The following ZNF804B variants were observed in gnomAD, a reference collection of about 807,000 sequenced individuals.
The protein encoded by ZNF804B is zinc finger 804B.
Under a neutral mutation model 101.4 loss-of-function variants are expected in ZNF804B, and 80 were observed. That is an observed-to-expected ratio of 0.79 (90% confidence interval 0.66 to 0.95). The LOEUF (loss-of-function observed/expected upper bound fraction) is 0.95. ZNF804B is among the 40% of genes least tolerant of loss of function. ZNF804B has a pLI of 0.00. For missense variants in ZNF804B, 1,673 were observed against 1,561.9 expected (o/e 1.07, Z -1.20); for synonymous variants, 622 against 558.8 (o/e 1.11, Z -1.59).
chr7:89,212,699 C>A (rs1430695131), intron 1 of ZNF804B, among the ~76,000 whole-genome samples: 1 of 152,120 alleles, frequency 6.6e-6, no homozygotes, highest in Non-Finnish European at 1.5e-5. Context: ...CTAGCCCTCT[C>A]TTAGGTTGTC....
At chr7:89,100,765 C>A (rs1790042689) in intron 1 of ZNF804B, among the ~76,000 whole-genome samples, 1 of 152,002 alleles carries the variant, frequency 6.6e-6, no homozygotes, top group Non-Finnish European at 1.5e-5. Context: ...CTATTTTAAT[C>A]ATTTTTCTTC....
At chr7:88,993,509 C>A (rs1195003153) in intron 1 of ZNF804B, among the ~76,000 whole-genome samples, 6 of 151,870 alleles carry the variant, frequency 4.0e-5, no homozygotes, top group Non-Finnish European at 7.4e-5. Flanking sequence ...ATTTAATGAA[C>A]AGAAAAAAGG....
intron 1 of ZNF804B, among the ~76,000 whole-genome samples, chr7:89,002,432 A>T (rs1401623932): frequency 1.3e-5 from 2 of 151,862 alleles, no homozygotes; most frequent in Non-Finnish European, 2.9e-5. Flanking sequence ...ATTATTGAAT[A>T]TTGACTATGT....
At chr7:88,852,615 A>G (rs1172120046) in intron 1 of ZNF804B, among the ~76,000 whole-genome samples, 1 of 152,110 alleles carries the variant, frequency 6.6e-6, no homozygotes, top group Non-Finnish European at 1.5e-5. Flanking sequence ...CCAAGAAAAC[A>G]TCTGATAACA....
In ZNF804B at chr7:88,759,916, C is replaced by A. The variant is rs1789865133; in HGVS notation, c.-61C>A. On this transcript the variant is annotated 5_prime_UTR_variant, in exon 1 of 4. Coordinates refer to ENST00000333190, the MANE Select transcript of ZNF804B (RefSeq NM_181646.5). ...CGCTGTTGCCGCTGAGAAACCCGCCCGCTTTCCACGGCTGGTCGCCTGGTG... is the reference window on the plus strand; with the variant it reads ...CGCTGTTGCCGCTGAGAAACCCGCCAGCTTTCCACGGCTGGTCGCCTGGTG... 6.8e-6 allele frequency: 10 copies of A among 1,477,874 alleles called. No homozygotes were observed. The East Asian group carries it at 2.1e-4, about 30-fold the overall frequency. 91.5% of individuals were successfully genotyped at this position (1,477,874 alleles called of 1,614,324 possible). A position where few individuals can be genotyped will look rare whatever the true frequency, so the allele number is the denominator to read the frequency against.
At chr7:89,260,038 G>T (rs149805553) in intron 2 of ZNF804B, among the ~76,000 whole-genome samples, 1 of 152,186 alleles carries the variant, frequency 6.6e-6, no homozygotes, top group African/African-American at 2.4e-5. Flanking sequence ...GAGAAAGAAA[G>T]AAAGGAAGGA....
chr7:89,051,983 T>C (rs1441947406), intron 1 of ZNF804B, among the ~76,000 whole-genome samples: 3 of 152,192 alleles, frequency 2.0e-5, no homozygotes, highest in East Asian at 1.9e-4. Flanking sequence ...GTGATTTTGT[T>C]TGTCTTTGAA....
intron 2 of ZNF804B, among the ~76,000 whole-genome samples, chr7:89,231,764 T>C (rs1789195419): frequency 1.3e-5 from 2 of 152,106 alleles, no homozygotes; most frequent in Admixed American, 1.3e-4. Flanking sequence ...ATTTTTTATA[T>C]TAATATTACT....
intron 1 of ZNF804B, among the ~76,000 whole-genome samples, chr7:88,975,261 A>G (rs1204446616): frequency 2.6e-5 from 4 of 151,378 alleles, no homozygotes; most frequent in Admixed American, 6.6e-5. Context: ...TGTCTCTTCA[A>G]TATACTGATT....
At chr7:89,331,676 T>A (rs1414899143) in intron 3 of ZNF804B, among the ~76,000 whole-genome samples, 1 of 151,630 alleles carries the variant, frequency 6.6e-6, no homozygotes, top group East Asian at 1.9e-4. Context: ...AAAATCCATA[T>A]GGTCATAATT....
chr7:89,236,358 G>T (rs1297487214), intron 2 of ZNF804B, among the ~76,000 whole-genome samples: 1 of 152,070 alleles, frequency 6.6e-6, no homozygotes, highest in Non-Finnish European at 1.5e-5. Flanking sequence ...AAGTATACAT[G>T]TAAATCTAAC....
At chr7:89,105,616 A>G (rs1790122003) in intron 1 of ZNF804B, among the ~76,000 whole-genome samples, 2 of 152,096 alleles carry the variant, frequency 1.3e-5, no homozygotes, top group Non-Finnish European at 2.9e-5. Context: ...TCACACAACT[A>G]TAACCATCAT....
At chr7:88,952,341 T>C (rs1793236474) in intron 1 of ZNF804B, among the ~76,000 whole-genome samples, 1 of 151,862 alleles carries the variant, frequency 6.6e-6, no homozygotes, top group Non-Finnish European at 1.5e-5. Context: ...AACTGATGAC[T>C]GTGTGCATTT....
intron 3 of ZNF804B, among the ~76,000 whole-genome samples, chr7:89,332,896 C>G (rs1009232757): frequency 1.3e-5 from 2 of 151,666 alleles, no homozygotes; most frequent in Non-Finnish European, 1.5e-5. Flanking sequence ...GAATTTTAAA[C>G]CCAAGGAGCT....
At chr7:89,040,889 C>T (rs1388956841) in intron 1 of ZNF804B, among the ~76,000 whole-genome samples, 2 of 152,084 alleles carry the variant, frequency 1.3e-5, no homozygotes, top group African/African-American at 4.8e-5. Context: ...TGGCCTGGTG[C>T]TAAAGTGGAA....
intron 1 of ZNF804B, among the ~76,000 whole-genome samples, chr7:88,921,291 T>C (rs1479045172): frequency 6.6e-6 from 1 of 152,018 alleles, no homozygotes; most frequent in African/African-American, 2.4e-5. Context: ...GTTTTACTAA[T>C]AATTTCAAAC....
At chr7:88,826,883 G>A (rs931871336) in intron 1 of ZNF804B, among the ~76,000 whole-genome samples, 7 of 152,068 alleles carry the variant, frequency 4.6e-5, no homozygotes. Context: ...AGATTTATAT[G>A]GATAATTTTC....
chr7:88,937,654 C>T (rs1792993263), intron 1 of ZNF804B, among the ~76,000 whole-genome samples: 1 of 151,118 alleles, frequency 6.6e-6, no homozygotes, highest in African/African-American at 2.4e-5. Context: ...AATCTAATTT[C>T]TTGTAAGATA....
In ZNF804B at chr7:88,769,103, GA is replaced by G. The variant is rs562256991; in HGVS notation, c.108+9023del. ...ATATACACCTGATGTTGTAGTGGGGGAAAACTTCCAACAAGTTTTATCAAAC... is the reference window on the plus strand; with the variant it reads ...ATATACACCTGATGTTGTAGTGGGGGAAACTTCCAACAAGTTTTATCAAAC... On this transcript the variant is annotated intron_variant, in intron 1 of 3. Transcript: ENST00000333190. Among the ~76,000 whole-genome samples, 141 of 152,244 alleles carry G rather than the reference GA, an allele frequency of 9.3e-4. 1 individual carries two copies. The highest frequency in any genetic ancestry group is 7.9e-3 in the South Asian group (38 of 4,822).
Sources: allele counts gnomAD v4.1 joint callset (sites outside exome capture counted in the v4.1 genomes callset), GRCh38; gene constraint gnomAD v4.1.1; transcripts MANE v1.5; gene names NCBI Gene and HGNC (gene_info 2026-07-23, HGNC 2026-07-21).